DNAI2: variants seen among roughly 807,000 people sequenced by gnomAD.
The protein encoded by DNAI2 is dynein axonemal intermediate chain 2.
Under a neutral mutation model 74.7 loss-of-function variants are expected in DNAI2, and 63 were observed. The observed-to-expected ratio is 0.84, with a 90% confidence interval of 0.69 to 1.04. The LOEUF (loss-of-function observed/expected upper bound fraction) is 1.04. Among genes scored for constraint, DNAI2 ranks in the 50% least tolerant of loss-of-function variants. The pLI is 0.00. For synonymous variants in DNAI2, 289 were observed against 314.9 expected, an observed-to-expected ratio of 0.92 and a Z score of 0.87; for missense variants, 688 against 803.2, an observed-to-expected ratio of 0.86 and a Z score of 1.73.
chr17:74,279,482 TA>T (rs1158998423), intron 1 of DNAI2, among the ~76,000 whole-genome samples: 1 of 151,434 alleles, frequency 6.6e-6, no homozygotes, highest in Non-Finnish European at 1.5e-5. Context: ...CCACAAAAAT[TA>T]AAAATTAAAA....
Position 74,314,180 on chromosome 17 carries a change from A to G in DNAI2, c.1782A>G (p.Glu594=), listed in dbSNP as rs762217686. ...VVEEGEEAAG[E]EGDEEVEEDL... ...AGGAGGGAGAGGAAGCAGCGGGGGA[A>G]GAAGGGGATGAAGAAGTGGAAGAAG... Residue 594 remains glutamate (E), a synonymous_variant, in exon 13 of 14, where the codon GAA becomes GAG. Transcript: ENST00000311014. 11 of 1,614,108 alleles carry G rather than the reference A, an allele frequency of 6.8e-6. No individual in the cohort carries two copies. Among genetic ancestry groups the G allele is most frequent in the Admixed American group, 5.0e-5 (3 of 60,026 alleles).
chr17:74,287,124 T>C (rs777084756), intron 4 of DNAI2, 26 bp downstream of exon 4: 14 of 1,612,666 alleles, frequency 8.7e-6, no homozygotes, highest in East Asian at 2.2e-5. Flanking sequence ...GGCAGGTGTC[T>C]GGCCACCCTC....
In DNAI2 at chr17:74,305,319, A is replaced by T. The variant is rs2144076267; in HGVS notation, c.1088A>T (p.His363Leu). Residue 363 changes from histidine to leucine, a missense_variant, in exon 9 of 14, where the codon CAT (histidine) becomes CTT (leucine). Transcript: ENST00000311014. ...AAGATTGTGTGCACCTTCCCGGGCC[A>T]TCATGGCCCCATCTACGCCCTCCAG... ...AEKIVCTFPGHHGPIYALQRN... is the reference protein window; with the variant it reads ...AEKIVCTFPGLHGPIYALQRN... The T allele has an allele frequency of 6.2e-7, 1 of 1,614,218 alleles. No individual in the cohort carries two copies. Among genetic ancestry groups the T allele is most frequent in the Admixed American group, 1.7e-5 (1 of 60,032 alleles).
chr17:74,301,330 C>G (rs961739917), intron 8 of DNAI2, among the ~76,000 whole-genome samples, 162 bp downstream of exon 8: 2 of 152,204 alleles, frequency 1.3e-5, no homozygotes, highest in Non-Finnish European at 2.9e-5. Flanking sequence ...TTTACAACAA[C>G]TTTCCAGCAG....
chr17:74,283,372 C>G (rs961177652), intron 2 of DNAI2, among the ~76,000 whole-genome samples: 3 of 152,120 alleles, frequency 2.0e-5, no homozygotes, highest in Admixed American at 6.6e-5. Context: ...CTTTGGGAGA[C>G]CAAGGTGGGA....
intron 8 of DNAI2, 94 bp from the exon 9 acceptor site, chr17:74,305,125 C>A: frequency 7.5e-7 from 1 of 1,341,256 alleles, no homozygotes; most frequent in Non-Finnish European, 1.1e-6. Context: ...TTTCTAGCGC[C>A]TGCAGACCCC....
At chr17:74,284,050 C>A (rs1021810879) in intron 2 of DNAI2, among the ~76,000 whole-genome samples, 1 of 151,328 alleles carries the variant, frequency 6.6e-6, no homozygotes, top group African/African-American at 2.4e-5. Context: ...AAGCAGGAGA[C>A]TCACTTGAAT....
chr17:74,307,807 CT>C (rs960617015), intron 9 of DNAI2, among the ~76,000 whole-genome samples: 6 of 151,294 alleles, frequency 4.0e-5, no homozygotes, highest in South Asian at 2.1e-4. Context: ...CCAGATGTTT[CT>C]TTTTTTGGGG....
In DNAI2 at chr17:74,300,992, A is replaced by C; in HGVS notation, c.865-54A>C. On this transcript the variant is annotated intron_variant, in intron 7 of 13. Transcript: ENST00000311014. The surrounding 1 kb of genome is among the most constrained non-coding windows in gnomAD (Gnocchi z 4.5). ...GTGGGGTGAGGGCGGAGAAGGCAAA[A>C]GCCAGGGGAAATACAGGGCCTCGAA... The C allele has an allele frequency of 6.2e-7, 1 of 1,609,330 alleles. No individual in the cohort carries two copies. Among genetic ancestry groups the C allele is most frequent in the Non-Finnish European group, 8.5e-7 (1 of 1,177,868 alleles).
intron 1 of DNAI2, among the ~76,000 whole-genome samples, chr17:74,275,138 C>T (rs1047685286): frequency 2.0e-5 from 3 of 152,188 alleles, no homozygotes; most frequent in Admixed American, 1.3e-4. Flanking sequence ...TGGGCCCCTT[C>T]TATGTGCCAG....
intron 6 of DNAI2, among the ~76,000 whole-genome samples, chr17:74,299,297 G>C (rs895306853): frequency 6.6e-6 from 1 of 152,152 alleles, no homozygotes; most frequent in Non-Finnish European, 1.5e-5. Flanking sequence ...GTCTTTCCAC[G>C]TGCTTTTCCC....
Position 74,300,942 on chromosome 17 carries a change from T to A in DNAI2, c.865-104T>A. 6.6e-7 allele frequency: 1 copy of A among 1,523,888 alleles called. No homozygotes were observed. Among genetic ancestry groups the A allele is most frequent in the Non-Finnish European group, 9.0e-7 (1 of 1,110,324 alleles). 94.4% of individuals were successfully genotyped at this position (1,523,888 alleles called of 1,614,324 possible). On this transcript the variant is annotated intron_variant, in intron 7 of 13. Transcript: ENST00000311014. The surrounding 1 kb of genome is among the most constrained non-coding windows in gnomAD (Gnocchi z 4.5). The stretch of plus-strand genomic sequence containing the variant: ...GAATTGCCGGGAGCTCCATCCTTTG[T>A]GGCCCAGTGGCTGACCCCAGGACGG...
chr17:74,289,755 C>T lies in DNAI2; in HGVS notation c.610+19C>T. Reference sequence around the variant, plus strand: ...GACCTGGGTGAGAAGCAGCGGGGTCCTGGTGGCCTGGGAGGGCTGAGGGCT... The same window carrying T: ...GACCTGGGTGAGAAGCAGCGGGGTCTTGGTGGCCTGGGAGGGCTGAGGGCT... On this transcript the variant is annotated intron_variant, in intron 5 of 13. Transcript: ENST00000311014. 2.5e-6 allele frequency: 4 copies of T among 1,613,608 alleles called. No homozygotes were observed. Among genetic ancestry groups the T allele is most frequent in the Non-Finnish European group, 3.4e-6 (4 of 1,179,914 alleles).
rs377734816 is a variant in DNAI2 at position 74,287,136 on chromosome 17, G to A, written c.467+38G>A. 216 of 1,610,886 alleles carry A rather than the reference G, an allele frequency of 1.3e-4. No individual in the cohort carries two copies. In the African/African-American group the frequency reaches 1.9e-3, roughly 14 times the overall value. On this transcript the variant is annotated intron_variant, in intron 4 of 13. Coordinates refer to ENST00000311014, the MANE Select transcript of DNAI2 (RefSeq NM_023036.6). ...CCAGGCAGGTGTCTGGCCACCCTCC[G>A]TCACCCCCATGCATGGGCGCCTCCA...
In DNAI2 at chr17:74,309,383, T is replaced by C. The variant is rs2053374791; in HGVS notation, c.1342T>C (p.Leu448=). 3.1e-6 allele frequency: 5 copies of C among 1,614,134 alleles called. No homozygotes were observed. The East Asian group carries it at 1.1e-4, about 36-fold the overall frequency. ...MFEQCDPTLS[L]KVCDEALFCL... is the part of the protein sequence containing the mutation. ...CGAGCAGTGCGATCCCACCCTCAGC[T>C]TGAAGGTCACGCGCATGTCCCTCCT... The change falls in exon 10 of 14, where the codon TTG becomes CTG. Residue 448 remains leucine, a synonymous_variant. Transcript: ENST00000311014.
intron 6 of DNAI2, among the ~76,000 whole-genome samples, chr17:74,293,065 C>T (rs1389393224): frequency 6.6e-6 from 1 of 151,658 alleles, no homozygotes; most frequent in Non-Finnish European, 1.5e-5. Context: ...GATCTCCTGA[C>T]CTCGTGATCC....
intron 1 of DNAI2, among the ~76,000 whole-genome samples, chr17:74,280,429 G>A (rs1016087579): frequency 1.3e-4 from 20 of 152,206 alleles, no homozygotes; most frequent in African/African-American, 4.6e-4. Flanking sequence ...ATTCCCTGCT[G>A]TGTCCCATGA....
chr17:74,289,021 C>T (rs2051919962), intron 4 of DNAI2, among the ~76,000 whole-genome samples: 1 of 152,208 alleles, frequency 6.6e-6, no homozygotes, highest in Non-Finnish European at 1.5e-5. Flanking sequence ...ACTTAGGGGC[C>T]TGGGAAGTAC....
At chr17:74,303,312 C>G (rs967612027) in intron 8 of DNAI2, among the ~76,000 whole-genome samples, 1 of 152,140 alleles carries the variant, frequency 6.6e-6, no homozygotes, top group Admixed American at 6.6e-5. Context: ...CGATGGGCCA[C>G]TCAGATCTGG....
Sources: gnomAD v4.1 joint callset for allele counts (sites outside exome capture counted in the v4.1 genomes callset) on GRCh38, gnomAD v4.1.1 for gene constraint, Gnocchi (gnomAD v3.1) non-coding constraint, MANE v1.5 for transcripts, NCBI Gene and HGNC (gene_info 2026-07-23, HGNC 2026-07-21) for gene names.